The following MUCL1 variants were observed in gnomAD, a reference collection of about 807,000 sequenced individuals.
The protein encoded by MUCL1 is mucin-like protein 1.
In MUCL1, 11 loss-of-function variants were observed where a neutral mutation model predicts 9.2. That is an observed-to-expected ratio of 1.19 (90% CI 0.75 to 1.97). The LOEUF is 1.97. Ranked by LOEUF, MUCL1 falls within the 30% of genes most tolerant of loss-of-function variation. The probability of loss-of-function intolerance (pLI) is 0.00; values close to 1 mark genes in which losing one functional copy is unlikely to be tolerated. For synonymous variants in MUCL1, 48 were observed against 40.5 expected (o/e 1.19, Z -0.71); for missense variants, 144 against 110.9 (o/e 1.30, Z -1.34).
chr12:54,852,538 T>C (rs1868260155), upstream of MUCL1, among the ~76,000 whole-genome samples: 1 of 152,222 alleles, frequency 6.6e-6, no homozygotes. Context: ...TATCAAACTT[T>C]AGAAATTCTT....
At chr12:54,855,001 C>A (rs181485428) in intron 1 of MUCL1, 115 bp from the exon 2 acceptor site, 3 of 857,446 alleles carry the variant, frequency 3.5e-6, no homozygotes, top group African/African-American at 1.7e-5. Context: ...ACTGGTACAC[C>A]AAGGACTGAG....
At chr12:54,840,067 A>G (rs1959202513) in intron 1 of MUCL1, among the ~76,000 whole-genome samples, 1 of 152,106 alleles carries the variant, frequency 6.6e-6, no homozygotes, top group South Asian at 2.1e-4. Flanking sequence ...GGGTCAGACT[A>G]CTGTGAATGC....
intron 1 of MUCL1, among the ~76,000 whole-genome samples, chr12:54,831,981 G>T (rs774529601): frequency 4.6e-5 from 7 of 152,010 alleles, no homozygotes; most frequent in Non-Finnish European, 1.0e-4. Flanking sequence ...TTCATCAAAA[G>T]TTTTCAGGGA....
chr12:54,841,074 G>C (rs1181719601), intron 1 of MUCL1, among the ~76,000 whole-genome samples: 3 of 152,158 alleles, frequency 2.0e-5, no homozygotes, highest in African/African-American at 4.8e-5. Flanking sequence ...ATGTAAGTGA[G>C]ATCATGTAAT....
intron 1 of MUCL1, among the ~76,000 whole-genome samples, chr12:54,843,477 A>T (rs1257408117): frequency 6.6e-6 from 1 of 152,222 alleles, no homozygotes; most frequent in Non-Finnish European, 1.5e-5. Context: ...CATTTATGTT[A>T]GATGGTATGG....
At chr12:54,831,102 A>G (rs1959184852) in intron 1 of MUCL1, among the ~76,000 whole-genome samples, 1 of 152,190 alleles carries the variant, frequency 6.6e-6, no homozygotes, top group South Asian at 2.1e-4. Flanking sequence ...TTGTATTACT[A>G]ACTTATGGCT....
intron 1 of MUCL1, among the ~76,000 whole-genome samples, chr12:54,846,404 C>T (rs1051364274): frequency 6.6e-6 from 1 of 152,168 alleles, no homozygotes; most frequent in Non-Finnish European, 1.5e-5. Flanking sequence ...TGTGGCATGA[C>T]CTGCGAAGGG....
upstream of MUCL1, among the ~76,000 whole-genome samples, chr12:54,834,938 C>T (rs2121479423): frequency 6.6e-6 from 1 of 152,104 alleles, no homozygotes; most frequent in South Asian, 2.1e-4. Flanking sequence ...TCCATTATGC[C>T]ACTCTGTATG....
At chr12:54,830,869 C>A (rs1284380581) in exon 1 of MUCL1, 2 of 152,336 alleles carry the variant, frequency 1.3e-5, no homozygotes, top group South Asian at 2.1e-4. Context: ...ATGTTTTGTA[C>A]ACTCAGGTGA....
At chr12:54,848,379 T>C (rs974548502) in intron 1 of MUCL1, among the ~76,000 whole-genome samples, 7 of 152,184 alleles carry the variant, frequency 4.6e-5, no homozygotes, top group African/African-American at 1.4e-4. Flanking sequence ...GATTTTTGTG[T>C]GGAAGAATAT....
At chr12:54,854,377 AGGGC>A (rs1565778803), upstream of MUCL1, 3 of 539,286 alleles carry the variant, frequency 5.6e-6, no homozygotes, top group African/African-American at 5.8e-5. Flanking sequence ...ACCTTTCCAA[AGGGC>A]CCCTGGCTGT....
chr12:54,858,322 CT>C lies in MUCL1; in HGVS notation c.*81del, dbSNP rs1230637263. The C allele has an allele frequency of 6.8e-7, 1 of 1,478,986 alleles. No homozygotes were observed. Among genetic ancestry groups the C allele is most frequent in the Non-Finnish European group, 9.5e-7 (1 of 1,057,746 alleles). 91.6% of individuals were successfully genotyped at this position (1,478,986 alleles called of 1,614,324 possible). ...GATTTCATCCAACTACTTACCTTGC[CT>C]ACGATATCCCCTTTATCTCTAATCA... is the stretch of plus-strand genomic sequence containing the variant. On this transcript the variant is annotated 3_prime_UTR_variant, in exon 4 of 4. Coordinates refer to ENST00000308796, the MANE Select transcript of MUCL1 (RefSeq NM_058173.3).
At chr12:54,850,895 T>C (rs918233357), upstream of MUCL1, among the ~76,000 whole-genome samples, 5 of 152,224 alleles carry the variant, frequency 3.3e-5, no homozygotes, top group African/African-American at 1.2e-4. Context: ...TTGATTTGCA[T>C]TTCTCTGATG....
intron 1 of MUCL1, among the ~76,000 whole-genome samples, chr12:54,846,078 C>T (rs974045618): frequency 4.6e-5 from 7 of 152,132 alleles, no homozygotes; most frequent in Non-Finnish European, 8.8e-5. Context: ...TCCTTCGAGC[C>T]CATATGTGAT....
rs756110708 is a variant in MUCL1 at position 54,856,886 on chromosome 12, A to T, written c.217A>T (p.Ile73Phe). 1 of 1,613,744 alleles carries T rather than the reference A, an allele frequency of 6.2e-7. No homozygotes were observed. Among genetic ancestry groups the T allele is most frequent in the South Asian group, 1.1e-5 (1 of 91,062 alleles). ...TAASTTARKD[I>F]PVLPKWVGDL... ...TGCTTCTACCACTGCTCGTAAAGAC[A>T]TTCCAGGTAGCAAGACTCCTCCATC... The change falls in exon 3 of 4, where the codon ATT becomes TTT. Residue 73 changes from isoleucine (I) to phenylalanine (F), a missense_variant. Physicochemically the swap from Ile to Phe is conservative, Grantham distance 21. Coordinates refer to ENST00000308796, the MANE Select transcript of MUCL1 (RefSeq NM_058173.3).
upstream of MUCL1, among the ~76,000 whole-genome samples, chr12:54,853,713 C>T (rs1868274652): frequency 6.6e-6 from 1 of 151,906 alleles, no homozygotes; most frequent in South Asian, 2.1e-4. Flanking sequence ...ATTGTGTTTT[C>T]TCTTTCTTTA....
upstream of MUCL1, among the ~76,000 whole-genome samples, chr12:54,837,957 A>T (rs1430179925): frequency 1.3e-5 from 2 of 152,204 alleles, no homozygotes; most frequent in Non-Finnish European, 2.9e-5. Context: ...ATGAAGTAGT[A>T]GTTTCAGTCA....
chr12:54,838,985 GT>G (rs1272259970), upstream of MUCL1, among the ~76,000 whole-genome samples: 7 of 151,996 alleles, frequency 4.6e-5, no homozygotes, highest in Non-Finnish European at 8.8e-5. Flanking sequence ...TTCTGGATGG[GT>G]TATAGAACAC....
upstream of MUCL1, among the ~76,000 whole-genome samples, chr12:54,835,234 T>C (rs1389325512): frequency 6.6e-6 from 1 of 152,204 alleles, no homozygotes. Flanking sequence ...TATGTGTCTT[T>C]TTGATATAAT....
Sources: gnomAD v4.1 joint callset for allele counts (sites outside exome capture counted in the v4.1 genomes callset) on GRCh38, gnomAD v4.1.1 for gene constraint, MANE v1.5 for transcripts, NCBI Gene and HGNC (gene_info 2026-07-23, HGNC 2026-07-21) for gene names.